DYRK1A: variants seen among roughly 807,000 people sequenced by gnomAD.
DYRK1A encodes the protein dual specificity tyrosine-phosphorylation-regulated kinase 1A.
Under a neutral mutation model 79.7 loss-of-function variants are expected in DYRK1A, and 9 were observed. The ratio of observed to expected loss-of-function variants is 0.11; its 90% CI spans 0.07 to 0.20. The LOEUF (loss-of-function observed/expected upper bound fraction) is 0.20. DYRK1A is among the 10% of genes least tolerant of loss of function. DYRK1A has a pLI of 1.00. For missense variants in DYRK1A, 622 were observed against 956.0 expected, an observed-to-expected ratio of 0.65 and a Z score of 4.61; for synonymous variants, 349 against 329.7, an observed-to-expected ratio of 1.06 and a Z score of -0.63.
At chr21:37,398,075 AAAT>A (rs1027290870) in intron 1 of DYRK1A, among the ~76,000 whole-genome samples, 49 of 112,050 alleles carry the variant, frequency 4.4e-4, no homozygotes, top group Non-Finnish European at 4.9e-4. Context: ...CTTAAAAAAA[AAAT>A]ATATATATAT....
chr21:37,490,072 G>A (rs903225169), intron 6 of DYRK1A, 103 bp from the exon 7 acceptor site: 1 of 1,181,594 alleles, frequency 8.5e-7, no homozygotes, highest in Non-Finnish European at 1.2e-6. Flanking sequence ...ACTGAACTCT[G>A]CATTTGATGT....
chr21:37,506,229 C>G lies in DYRK1A; in HGVS notation c.1644+6C>G. The G allele has an allele frequency of 6.2e-7, 1 of 1,613,992 alleles. No individual in the cohort carries two copies. The highest frequency in any genetic ancestry group is 8.5e-7 in the Non-Finnish European group (1 of 1,179,958). ...GCGAGACACACAGTCCCCAGGTGAG[C>G]TCGCACGTGGTTCATTTGCTTGTGT... On this transcript the variant is annotated splice_donor_region_variant and intron_variant, in intron 11 of 11. Transcript: ENST00000647188.
intron 1 of DYRK1A, among the ~76,000 whole-genome samples, chr21:37,373,737 A>C (rs2049480511): frequency 1.3e-5 from 2 of 152,196 alleles, no homozygotes; most frequent in South Asian, 4.1e-4. Flanking sequence ...ATTGGTCATA[A>C]CTTAGTCATG....
chr21:37,450,614 A>C (rs1028030136), intron 2 of DYRK1A, among the ~76,000 whole-genome samples: 4 of 152,198 alleles, frequency 2.6e-5, no homozygotes, highest in Non-Finnish European at 5.9e-5. Flanking sequence ...TGATACAGTT[A>C]GGGTGAAGTG....
chr21:37,482,922 T>C (rs1337014943), intron 5 of DYRK1A, among the ~76,000 whole-genome samples: 3 of 152,248 alleles, frequency 2.0e-5, no homozygotes, highest in Non-Finnish European at 4.4e-5. Context: ...GGTCAGAATT[T>C]AAGATTATCT....
intron 2 of DYRK1A, among the ~76,000 whole-genome samples, chr21:37,454,726 G>T (rs907526765): frequency 6.6e-6 from 1 of 152,114 alleles, no homozygotes; most frequent in South Asian, 2.1e-4. Context: ...TATTTTACAG[G>T]GATTCAGTAA....
At chr21:37,498,663 A>T (rs909692283) in intron 9 of DYRK1A, among the ~76,000 whole-genome samples, 5 of 152,176 alleles carry the variant, frequency 3.3e-5, no homozygotes, top group Non-Finnish European at 7.4e-5. Flanking sequence ...AGTCTTTTAT[A>T]CATATGTTTT....
Position 37,525,735 on chromosome 21 carries a change from C to T in DYRK1A, c.*13204C>T, listed in dbSNP as rs1371097872. On this transcript the variant is annotated 3_prime_UTR_variant, in exon 12 of 12. Transcript: ENST00000647188. ...GTGAACTTCCTTTAGCTCTTGTGGA[C>T]TTCACTATCAACAGCTCTCATGAAT... is the stretch of plus-strand genomic sequence containing the variant. 6.6e-6 allele frequency: 1 copy of T among 152,170 alleles called. No homozygotes were observed. Among genetic ancestry groups the T allele is most frequent in the Non-Finnish European group, 1.5e-5 (1 of 68,026 alleles). 9.4% of individuals were successfully genotyped at this position (152,170 alleles called of 1,614,324 possible).
chr21:37,525,883 T>G lies in DYRK1A; in HGVS notation c.*13352T>G, dbSNP rs1268228047. ...GGACAAAGATTGAAATTTTTCTGAA[T>G]GAGAACTGCCCCGAACCACCGTTAC... On this transcript the variant is annotated 3_prime_UTR_variant, in exon 12 of 12. Transcript: ENST00000647188. 6.6e-6 allele frequency: 1 copy of G among 152,218 alleles called. No homozygotes were observed. The highest frequency in any genetic ancestry group is 1.5e-5 in the Non-Finnish European group (1 of 68,038). The allele number at this position is 152,218 out of a possible 1,614,324, so 9.4% of individuals were successfully genotyped here. A position where few individuals can be genotyped will look rare whatever the true frequency, so the allele number is the denominator to read the frequency against.
At chr21:37,378,794 A>G (rs548086755) in intron 1 of DYRK1A, among the ~76,000 whole-genome samples, 1 of 152,320 alleles carries the variant, frequency 6.6e-6, no homozygotes, top group South Asian at 2.1e-4. Flanking sequence ...GAACACAGAT[A>G]AGACCATGGC....
chr21:37,510,532 G>T (rs1462824164), intron 11 of DYRK1A, among the ~76,000 whole-genome samples: 1 of 152,164 alleles, frequency 6.6e-6, no homozygotes, highest in Non-Finnish European at 1.5e-5. Flanking sequence ...GGATAATTTG[G>T]TAGAGAAAGA....
intron 2 of DYRK1A, among the ~76,000 whole-genome samples, chr21:37,456,958 C>T (rs1005622204): frequency 1.3e-5 from 2 of 152,158 alleles, no homozygotes; most frequent in Non-Finnish European, 2.9e-5. Context: ...TCCATACTAT[C>T]ATTACTGAGA....
intron 2 of DYRK1A, among the ~76,000 whole-genome samples, chr21:37,455,808 T>G (rs1188388423): frequency 6.6e-6 from 1 of 152,212 alleles, no homozygotes; most frequent in Non-Finnish European, 1.5e-5. Flanking sequence ...ATTAACTCTT[T>G]ACTGTTCTTA....
intron 2 of DYRK1A, among the ~76,000 whole-genome samples, chr21:37,458,157 C>T (rs2051714905): frequency 6.6e-6 from 1 of 152,022 alleles, no homozygotes; most frequent in South Asian, 2.1e-4. Context: ...GTGCCATTCC[C>T]CCTCTTTTTG....
intron 2 of DYRK1A, among the ~76,000 whole-genome samples, chr21:37,423,289 G>A (rs2050525878): frequency 6.6e-6 from 1 of 152,026 alleles, no homozygotes; most frequent in South Asian, 2.1e-4. Context: ...ACTGCTTTCT[G>A]GATGCCTCTC....
At chr21:37,384,347 T>G (rs1380970074) in intron 1 of DYRK1A, among the ~76,000 whole-genome samples, 1 of 152,106 alleles carries the variant, frequency 6.6e-6, no homozygotes, top group East Asian at 1.9e-4. Context: ...AGAAAAAATC[T>G]CAGAGTTTAC....
chr21:37,446,581 CT>C (rs57380457), intron 2 of DYRK1A, among the ~76,000 whole-genome samples: 401 of 144,452 alleles, frequency 2.8e-3, no homozygotes, highest in Middle Eastern at 7.0e-3. Context: ...GTTTGAAATT[CT>C]TTTTTTTTTT....
At chr21:37,490,545 A>T (rs2053052806) in intron 7 of DYRK1A, 84 bp downstream of exon 7, 1 of 1,168,042 alleles carries the variant, frequency 8.6e-7, no homozygotes, top group East Asian at 3.5e-5. Flanking sequence ...TTGGCGCAAA[A>T]GTAATTGCGG....
At position 37,515,541 on chromosome 21, in the gene DYRK1A, C is replaced by CG. The variant is rs1394387969; in HGVS notation, c.*3010_*3011insG. ...GGATGAAGGAAGGAATACGAATACTCATTCTTCCTTCCCTAACTCCTCGTA... is the reference window on the plus strand; with the variant it reads ...GGATGAAGGAAGGAATACGAATACTCGATTCTTCCTTCCCTAACTCCTCGTA... On this transcript the variant is annotated 3_prime_UTR_variant, in exon 12 of 12. Coordinates refer to ENST00000647188, the MANE Select transcript of DYRK1A (RefSeq NM_001347721.2). The CG allele has an allele frequency of 6.6e-6, 1 of 152,178 alleles. No individual in the cohort carries two copies. Among genetic ancestry groups the CG allele is most frequent in the Admixed American group, 6.5e-5 (1 of 15,284 alleles). 9.4% of individuals were successfully genotyped at this position (152,178 alleles called of 1,614,324 possible).
Sources: allele counts gnomAD v4.1 joint callset (sites outside exome capture counted in the v4.1 genomes callset), GRCh38; gene constraint gnomAD v4.1.1; transcripts MANE v1.5; gene names NCBI Gene and HGNC (gene_info 2026-07-23, HGNC 2026-07-21).